ROS1: variants seen among roughly 807,000 people sequenced by gnomAD.
ROS1 encodes the protein ROS proto-oncogene 1, receptor tyrosine kinase.
In ROS1, 263 loss-of-function variants were observed where a neutral mutation model predicts 273.5. The observed-to-expected ratio is 0.96, with a 90% CI of 0.87 to 1.06. ROS1 has a LOEUF of 1.06. Ranked by LOEUF, ROS1 falls within the 50% of genes least tolerant of loss-of-function variation. The pLI is 0.00. For missense variants in ROS1, 2,833 were observed against 2,751.1 expected (o/e 1.03, Z -0.67); for synonymous variants, 1,008 against 954.1 (o/e 1.06, Z -1.04).
chr6:117,331,236 A>G (rs1462981876), intron 32 of ROS1, among the ~76,000 whole-genome samples: 6 of 152,224 alleles, frequency 3.9e-5, no homozygotes, highest in African/African-American at 1.2e-4. Context: ...GGAAGAGAAG[A>G]TATCAGAGTT....
chr6:117,387,081 T>A, intron 14 of ROS1, 82 bp from the exon 15 acceptor site: 1 of 609,462 alleles, frequency 1.6e-6, no homozygotes, highest in Non-Finnish European at 2.9e-6. Context: ...TATCTATGCC[T>A]TATATCTTAT....
At chr6:117,338,180 TA>T (rs1777616062) in intron 31 of ROS1, among the ~76,000 whole-genome samples, 2 of 152,140 alleles carry the variant, frequency 1.3e-5, no homozygotes, top group Non-Finnish European at 2.9e-5. Context: ...TAGAGTTTCA[TA>T]AAAAGGTCAG....
At chr6:117,300,948 A>G (rs79844404) in intron 43 of ROS1, 26 bp downstream of exon 43, 51,234 of 1,526,824 alleles carry the variant, frequency 0.034, 1,025 homozygotes, top group South Asian at 0.04. Context: ...AGCGAAAACT[A>G]GAAAATTCTG....
intron 39 of ROS1, among the ~76,000 whole-genome samples, chr6:117,315,450 T>C (rs1175768371): frequency 1.3e-5 from 2 of 152,022 alleles, no homozygotes; most frequent in African/African-American, 4.8e-5. Context: ...TTCCTCAAAT[T>C]TTTGAAGGGG....
chr6:117,402,954 G>T (rs1366749288), intron 7 of ROS1, among the ~76,000 whole-genome samples, 185 bp downstream of exon 7: 1 of 151,942 alleles, frequency 6.6e-6, no homozygotes, highest in Non-Finnish European at 1.5e-5. Context: ...AGGGGTCATT[G>T]TCTCTTTTGA....
In ROS1 at chr6:117,309,958, A is replaced by G. The variant is rs928149934; in HGVS notation, c.6416+123T>C. 1.5e-5 allele frequency: 13 copies of G among 875,170 alleles called. No homozygotes were observed. In the African/African-American group the frequency reaches 2.0e-4, roughly 13 times the overall value. 54.2% of individuals were successfully genotyped at this position (875,170 alleles called of 1,614,324 possible). ...CAACTCTCACTTTAGCTTGAGGCAA[A>G]TCACTTAATCTCTCTGGTCTTCTGT... On this transcript the variant is annotated intron_variant, in intron 41 of 43. Transcript: ENST00000368507.
At position 117,341,179 on chromosome 6, in the gene ROS1, G is replaced by C. The variant is rs764212412; in HGVS notation, c.5017C>G (p.Pro1673Ala). ...NTSLQFNWKA[P>A]LNVNLIRFWV... Reference sequence around the variant, plus strand: ...AATCTGATGAGGTTAACATTCAATGGAGCCTTCCAATTAAATTGCAAACTA... The same window carrying C: ...AATCTGATGAGGTTAACATTCAATGCAGCCTTCCAATTAAATTGCAAACTA... The change falls in exon 31 of 44, where the codon CCA becomes GCA. Residue 1673 changes from proline to alanine, a missense_variant. By Grantham distance (27) the Pro-to-Ala change is conservative. Coordinates refer to ENST00000368507, the MANE Select transcript of ROS1 (RefSeq NM_001378902.1). The C allele has an allele frequency of 1.2e-6, 2 of 1,613,110 alleles. No homozygotes were observed. Among genetic ancestry groups the C allele is most frequent in the Non-Finnish European group, 8.5e-7 (1 of 1,179,428 alleles).
At position 117,422,747 on chromosome 6, in the gene ROS1, A is replaced by G. The variant is rs1172343264; in HGVS notation, c.123+2787T>C. 3.9e-5 allele frequency among the ~76,000 whole-genome samples: 6 copies of G among 152,168 alleles called. 1 individual carries two copies. The highest frequency in any genetic ancestry group is 1.4e-4 in the African/African-American group (6 of 41,428). Reference sequence around the variant, plus strand: ...TATTGTCATCACCCTCTAATATTATAAAAGCACATCATGTTTGTAACAGCC... The same window carrying G: ...TATTGTCATCACCCTCTAATATTATGAAAGCACATCATGTTTGTAACAGCC... On this transcript the variant is annotated intron_variant, in intron 1 of 43. Transcript: ENST00000368507.
At chr6:117,398,428 A>C (rs1329890011) in intron 7 of ROS1, among the ~76,000 whole-genome samples, 1 of 152,224 alleles carries the variant, frequency 6.6e-6, no homozygotes, top group Non-Finnish European at 1.5e-5. Flanking sequence ...CTGTAATCCT[A>C]GCACTTTGGA....
chr6:117,320,097 T>C lies in ROS1; in HGVS notation c.5760-67A>G, dbSNP rs536397461. 1.1e-3 allele frequency: 1,466 copies of C among 1,390,818 alleles called. 3 individuals carry two copies. The highest frequency in any genetic ancestry group is 1.4e-3 in the Non-Finnish European group (1,378 of 997,668). The allele number at this position is 1,390,818 out of a possible 1,614,324, so 86.2% of individuals were successfully genotyped here. ...TATAGGGTGTACAAGTTTGTGTTGG[T>C]ATTGGTATTTGTGTTTGAGAGAGAA... On this transcript the variant is annotated intron_variant, in intron 36 of 43. Coordinates refer to ENST00000368507, the MANE Select transcript of ROS1 (RefSeq NM_001378902.1).
chr6:117,344,103 A>C lies in ROS1; in HGVS notation c.4463T>G (p.Val1488Gly), dbSNP rs142098208. ...TPTYLVYYAE[V>G]NDRKNSSDLK... ...GTCAGAGCTGTTTTTCCTGTCATTA[A>C]CTTCTGCATAATAAACCAGGTATGT... The change falls in exon 28 of 44, where the codon GTT becomes GGT. Residue 1488 changes from valine to glycine, a missense_variant. Coordinates refer to ENST00000368507, the MANE Select transcript of ROS1 (RefSeq NM_001378902.1). The C allele has an allele frequency of 6.2e-7, 1 of 1,613,900 alleles. No homozygotes were observed. The highest frequency in any genetic ancestry group is 1.3e-5 in the African/African-American group (1 of 74,916).
At chr6:117,315,069 T>A (rs2128553687) in intron 39 of ROS1, among the ~76,000 whole-genome samples, 1 of 152,070 alleles carries the variant, frequency 6.6e-6, no homozygotes, top group South Asian at 2.1e-4. Context: ...TGAGTAAAAT[T>A]TTGCATCTAT....
intron 18 of ROS1, among the ~76,000 whole-genome samples, chr6:117,372,459 C>A (rs1268645901): frequency 2.6e-5 from 4 of 152,168 alleles, no homozygotes; most frequent in Admixed American, 2.0e-4. Flanking sequence ...CTGGTGGGTT[C>A]TTTTTCTGAC....
intron 17 of ROS1, among the ~76,000 whole-genome samples, chr6:117,379,650 G>GT (rs1554245190): frequency 6.6e-6 from 1 of 152,100 alleles, no homozygotes; most frequent in Non-Finnish European, 1.5e-5. Flanking sequence ...GATCTGTGGA[G>GT]TTTTTTAAAA....
chr6:117,420,341 A>G (rs190653486), intron 1 of ROS1, among the ~76,000 whole-genome samples: 15 of 149,326 alleles, frequency 1.0e-4, no homozygotes, highest in Admixed American at 6.9e-4. Context: ...TTCTTAACCT[A>G]ATACCCACTT....
chr6:117,392,425 CT>C (rs1773143350), intron 12 of ROS1, among the ~76,000 whole-genome samples: 1 of 151,830 alleles, frequency 6.6e-6, no homozygotes, highest in South Asian at 2.1e-4. Flanking sequence ...CAAACATGGG[CT>C]TTGCCTACTG....
intron 20 of ROS1, 49 bp downstream of exon 20, chr6:117,365,532 A>G (rs766316928): frequency 6.6e-7 from 1 of 1,509,192 alleles, no homozygotes; most frequent in South Asian, 1.1e-5. Flanking sequence ...GCTGACACAG[A>G]TGGTACAGTC....
At position 117,339,864 on chromosome 6, in the gene ROS1, C is replaced by T. The variant is rs79090710; in HGVS notation, c.5061+1271G>A. On this transcript the variant is annotated intron_variant, in intron 31 of 43. Transcript: ENST00000368507. Reference sequence around the variant, plus strand: ...GACTTAATGACTCCTATTCCTTCCACGGACAGCACCCTAATAGGACTGCTG... The same window carrying T: ...GACTTAATGACTCCTATTCCTTCCATGGACAGCACCCTAATAGGACTGCTG... Among the ~76,000 whole-genome samples the T allele has an allele frequency of 4.7e-3, 715 of 152,212 alleles. 7 individuals carry two copies. Among genetic ancestry groups the T allele is most frequent in the Middle Eastern group, 0.027 (8 of 294 alleles).
intron 17 of ROS1, among the ~76,000 whole-genome samples, chr6:117,382,647 T>C (rs1206066388): frequency 1.3e-5 from 2 of 152,170 alleles, no homozygotes; most frequent in Admixed American, 6.6e-5. Context: ...AAAATAGTTA[T>C]TGCTTGTAAA....
Sources: gnomAD v4.1 joint callset for allele counts (sites outside exome capture counted in the v4.1 genomes callset) on GRCh38, gnomAD v4.1.1 for gene constraint, MANE v1.5 for transcripts, NCBI Gene and HGNC (gene_info 2026-07-23, HGNC 2026-07-21) for gene names.